Variants in SHROOM3 observed in about 807,000 individuals in gnomAD.
The protein encoded by SHROOM3 is shroom family member 3.
SHROOM3 carries 47 observed loss-of-function variants against 138.6 expected under a neutral mutation model. That is an observed-to-expected ratio of 0.34 (90% CI 0.27 to 0.43). The LOEUF (loss-of-function observed/expected upper bound fraction) is 0.43. Among genes scored for constraint, SHROOM3 ranks in the 20% least tolerant of loss-of-function variants. SHROOM3 has a pLI of 1.00. For synonymous variants in SHROOM3, 1,062 were observed against 1,063.3 expected, an observed-to-expected ratio of 1.00 and a Z score of 0.02; for missense variants, 2,491 against 2,596.5, an observed-to-expected ratio of 0.96 and a Z score of 0.88.
intron 1 of SHROOM3, among the ~76,000 whole-genome samples, chr4:76,485,937 GATC>G (rs1224480373): frequency 6.6e-6 from 1 of 152,108 alleles, no homozygotes; most frequent in Non-Finnish European, 1.5e-5. Flanking sequence ...ATCCTAATAT[GATC>G]ATAGCTTGGC....
At chr4:76,500,481 G>A (rs1031545758) in intron 1 of SHROOM3, among the ~76,000 whole-genome samples, 5 of 152,080 alleles carry the variant, frequency 3.3e-5, no homozygotes, top group African/African-American at 7.2e-5. Context: ...AGTGAAGATC[G>A]GAATTTGGGG....
At chr4:76,538,930 A>G (rs559911663) in intron 1 of SHROOM3, among the ~76,000 whole-genome samples, 40 of 152,144 alleles carry the variant, frequency 2.6e-4, no homozygotes, top group Non-Finnish European at 4.9e-4. Context: ...GATCACTGTC[A>G]TCATATTGGC....
intron 1 of SHROOM3, among the ~76,000 whole-genome samples, chr4:76,536,582 C>T (rs1579220439): frequency 6.6e-6 from 1 of 152,282 alleles, no homozygotes; most frequent in East Asian, 1.9e-4. Context: ...ACTTTAATCC[C>T]TCCATGCCCC....
intron 10 of SHROOM3, among the ~76,000 whole-genome samples, chr4:76,774,550 T>C (rs1393513557): frequency 6.6e-6 from 1 of 152,032 alleles, no homozygotes. Context: ...CCATTAATGA[T>C]AGGTACACAG....
At chr4:76,525,651 C>A (rs1732674154) in intron 1 of SHROOM3, among the ~76,000 whole-genome samples, 1 of 152,084 alleles carries the variant, frequency 6.6e-6, no homozygotes, top group African/African-American at 2.4e-5. Flanking sequence ...TGCCCATTTT[C>A]AAATTAGATT....
At chr4:76,564,679 T>C (rs1347522463) in intron 2 of SHROOM3, among the ~76,000 whole-genome samples, 2 of 152,202 alleles carry the variant, frequency 1.3e-5, no homozygotes, top group East Asian at 1.9e-4. Flanking sequence ...GGGTTACATA[T>C]GCTTACTGGC....
chr4:76,443,530 C>G (rs374335188), intron 1 of SHROOM3, among the ~76,000 whole-genome samples: 5 of 152,228 alleles, frequency 3.3e-5, no homozygotes, highest in African/African-American at 1.2e-4. Context: ...CAGTGAACAT[C>G]TTATCCAAAG....
At chr4:76,521,196 T>C (rs1262960593) in intron 1 of SHROOM3, among the ~76,000 whole-genome samples, 2 of 152,192 alleles carry the variant, frequency 1.3e-5, no homozygotes, top group African/African-American at 4.8e-5. Context: ...CTGACGTGAT[T>C]AAATATGGTG....
intron 2 of SHROOM3, among the ~76,000 whole-genome samples, chr4:76,558,180 T>C (rs1056017391): frequency 6.6e-6 from 1 of 152,190 alleles, no homozygotes; most frequent in East Asian, 1.9e-4. Flanking sequence ...TGGCTTCTGG[T>C]AGGCCTTCTA....
chr4:76,582,095 G>C (rs1274140854), intron 2 of SHROOM3, among the ~76,000 whole-genome samples: 1 of 152,204 alleles, frequency 6.6e-6, no homozygotes, highest in Non-Finnish European at 1.5e-5. Context: ...AAAAACCTCT[G>C]TCTCATGGAG....
chr4:76,618,315 A>T (rs906473958), intron 2 of SHROOM3, among the ~76,000 whole-genome samples: 8 of 152,160 alleles, frequency 5.3e-5, no homozygotes, highest in African/African-American at 1.9e-4. Context: ...AAAAAAAGTA[A>T]TTAATGTTGT....
intron 1 of SHROOM3, among the ~76,000 whole-genome samples, chr4:76,514,601 C>T (rs939398450): frequency 2.6e-5 from 4 of 152,098 alleles, no homozygotes; most frequent in African/African-American, 9.7e-5. Flanking sequence ...TGTAAATACA[C>T]TATAAGCCAA....
Position 76,740,799 on chromosome 4 carries a change from C to T in SHROOM3, c.2626C>T (p.Arg876Cys), listed in dbSNP as rs533202648. Residue 876 changes from arginine to cysteine, a missense_variant, in exon 5 of 11, where the codon CGT becomes TGT. This residue lies in a region of SHROOM3 where 1,733 missense variants were observed against 1,661.6 expected (regional missense o/e 1.04). Coordinates refer to ENST00000296043, the MANE Select transcript of SHROOM3 (RefSeq NM_020859.4). This position sits in a 1 kb window ranked among gnomAD's most constrained non-coding sequence, Gnocchi z 4.0. The stretch of plus-strand genomic sequence containing the variant: ...GAGCGGAGGAGCGTCGGACAGCGGC[C>T]GTGGCCCCCAGAGGCCGGACGCTCG... ...QLSGGASDSG[R>C]GPQRPDARLL... 11 of 1,609,710 alleles carry T rather than the reference C, an allele frequency of 6.8e-6. No individual in the cohort carries two copies. The highest frequency in any genetic ancestry group is 1.7e-5 in the Admixed American group (1 of 59,870).
intron 1 of SHROOM3, among the ~76,000 whole-genome samples, chr4:76,515,074 G>A (rs1732417012): frequency 6.6e-6 from 1 of 152,122 alleles, no homozygotes; most frequent in Admixed American, 6.5e-5. Context: ...AATTAGCTGG[G>A]CATGGTGCTG....
At chr4:76,524,366 G>A (rs1239617680) in intron 1 of SHROOM3, among the ~76,000 whole-genome samples, 1 of 152,216 alleles carries the variant, frequency 6.6e-6, no homozygotes, top group Non-Finnish European at 1.5e-5. Flanking sequence ...AGGACCTCAT[G>A]AAGAACAAGG....
rs1213742478 is a variant in SHROOM3 at position 76,681,680 on chromosome 4, C to T, written c.324-28476C>T. 3.0e-5 allele frequency among the ~76,000 whole-genome samples: 4 copies of T among 134,432 alleles called. No homozygotes were observed. In the East Asian group the frequency reaches 9.7e-4, roughly 32 times the overall value. The allele number at this position is 134,432 out of a possible 152,430, so 88.2% of individuals were successfully genotyped here. On this transcript the variant is annotated intron_variant, in intron 2 of 10. Coordinates refer to ENST00000296043, the MANE Select transcript of SHROOM3 (RefSeq NM_020859.4). ...ACCTTTGGTATCCTTGTCACCATTC[C>T]CCATGCTAGTGTCTGGTTGGTGTCT...
Position 76,739,414 on chromosome 4 carries a change from G to C in SHROOM3, c.1241G>C (p.Arg414Pro). ...AGCCTTGATCAGAAACGGCTCTGCC[G>C]GCCTCAGGCAAACTCTTTAGGCTCC... ...WSSLDQKRLCRPQANSLGSLK... is the reference protein window; with the variant it reads ...WSSLDQKRLCPPQANSLGSLK... The change falls in exon 5 of 11, where the codon CGG becomes CCG. Residue 414 changes from arginine (R) to proline (P), a missense_variant. Physicochemically the swap from Arg to Pro is moderately radical, Grantham distance 103. This residue lies in a region of SHROOM3 where 1,733 missense variants were observed against 1,661.6 expected (regional missense o/e 1.04). Coordinates refer to ENST00000296043, the MANE Select transcript of SHROOM3 (RefSeq NM_020859.4). 1 of 1,614,108 alleles carries C rather than the reference G, an allele frequency of 6.2e-7. No individual in the cohort carries two copies. Among genetic ancestry groups the C allele is most frequent in the Non-Finnish European group, 8.5e-7 (1 of 1,180,036 alleles).
chr4:76,621,137 T>C (rs947615126), intron 2 of SHROOM3, among the ~76,000 whole-genome samples: 13 of 148,072 alleles, frequency 8.8e-5, no homozygotes, highest in African/African-American at 3.1e-4. Context: ...GAGCCTTTTA[T>C]TGCCAAGTAT....
At chr4:76,608,720 GCA>G (rs1734699000) in intron 2 of SHROOM3, among the ~76,000 whole-genome samples, 1 of 71,368 alleles carries the variant, frequency 1.4e-5, no homozygotes, top group Admixed American at 1.6e-4. Context: ...GCACAGCACA[GCA>G]CAGCACAGCA....
Sources: gnomAD v4.1 joint callset for allele counts (sites outside exome capture counted in the v4.1 genomes callset) on GRCh38, gnomAD v4.1.1 for gene constraint, gnomAD v4.1.1 regional missense constraint, Gnocchi (gnomAD v3.1) non-coding constraint, MANE v1.5 for transcripts, NCBI Gene and HGNC (gene_info 2026-07-23, HGNC 2026-07-21) for gene names.